Variants in BCAT1 observed in about 807,000 individuals in gnomAD.
The protein encoded by BCAT1 is branched-chain-amino-acid aminotransferase, cytosolic.
BCAT1 carries 48 observed loss-of-function variants against 52.4 expected under a neutral mutation model. The observed-to-expected ratio is 0.92, with a 90% CI of 0.73 to 1.16. The LOEUF is 1.16. BCAT1 is among the 50% of genes most tolerant of loss of function. BCAT1 has a pLI of 0.00. For synonymous variants in BCAT1, 167 were observed against 161.3 expected, an observed-to-expected ratio of 1.04 and a Z score of -0.27; for missense variants, 451 against 457.1, an observed-to-expected ratio of 0.99 and a Z score of 0.12.
chr12:24,832,796 C>A lies in BCAT1; in HGVS notation c.971G>T (p.Arg324Ile). The change falls in exon 9 of 11, where the codon AGA (arginine) becomes ATA (isoleucine). Residue 324 changes from arginine to isoleucine, a missense_variant. Transcript: ENST00000261192. ...DDLTTALEGNRVREMFGSGTA... is the reference protein window; with the variant it reads ...DDLTTALEGNIVREMFGSGTA... Reference sequence around the variant, plus strand: ...ACCAGAGCCAAACATCTCTCTCACTCTGTTCCCCTCCAGGGCTGTTGTCAA... The same window carrying A: ...ACCAGAGCCAAACATCTCTCTCACTATGTTCCCCTCCAGGGCTGTTGTCAA... 6.2e-7 allele frequency: 1 copy of A among 1,612,070 alleles called. No homozygotes were observed. The highest frequency in any genetic ancestry group is 8.5e-7 in the Non-Finnish European group (1 of 1,179,026).
chr12:24,896,943 T>C (rs1028968926), intron 2 of BCAT1, among the ~76,000 whole-genome samples: 1 of 152,200 alleles, frequency 6.6e-6, no homozygotes, highest in South Asian at 2.1e-4. Flanking sequence ...ACAGAAGATG[T>C]CCAGGATTTA....
chr12:24,871,333 G>A (rs1942179714), intron 5 of BCAT1, among the ~76,000 whole-genome samples: 1 of 152,180 alleles, frequency 6.6e-6, no homozygotes, highest in African/African-American at 2.4e-5. Context: ...TTAGGGAATT[G>A]GGATACAATG....
intron 1 of BCAT1, chr12:24,902,087 C>A: frequency 6.8e-7 from 1 of 1,480,560 alleles, no homozygotes; most frequent in Non-Finnish European, 8.9e-7. Context: ...ACTTCCCACC[C>A]TGCCGGGGTC....
chr12:24,851,511 C>T (rs927416055), intron 5 of BCAT1, among the ~76,000 whole-genome samples: 1 of 152,146 alleles, frequency 6.6e-6, no homozygotes, highest in African/African-American at 2.4e-5. Flanking sequence ...AGGCATGTCA[C>T]CTTAGGAAAT....
In BCAT1 at chr12:24,815,078, G is replaced by T. The variant is rs1275282528; in HGVS notation, c.*2930C>A. The stretch of plus-strand genomic sequence containing the variant: ...CGAGTTGAATCCTTAATAAATGACT[G>T]CCACAAAGAAAATTTCTAACAGCAA... On this transcript the variant is annotated 3_prime_UTR_variant, in exon 11 of 11. Transcript: ENST00000261192. 1 of 152,054 alleles carries T rather than the reference G, an allele frequency of 6.6e-6. No individual in the cohort carries two copies. Among genetic ancestry groups the T allele is most frequent in the Non-Finnish European group, 1.5e-5 (1 of 68,002 alleles). The allele number at this position is 152,054 out of a possible 1,614,324, so 9.4% of individuals were successfully genotyped here.
chr12:24,889,644 G>A (rs891767643), intron 3 of BCAT1, among the ~76,000 whole-genome samples: 3 of 152,176 alleles, frequency 2.0e-5, no homozygotes, highest in Non-Finnish European at 2.9e-5. Context: ...TCAGGGGCAG[G>A]AAGCAGAATC....
intron 7 of BCAT1, among the ~76,000 whole-genome samples, chr12:24,838,513 G>GTA (rs1393301590): frequency 8.9e-6 from 1 of 111,778 alleles, no homozygotes; most frequent in Non-Finnish European, 1.9e-5. Context: ...GTATATATAT[G>GTA]TACACACACA....
chr12:24,942,339 T>C (rs1943862084), intron 1 of BCAT1, among the ~76,000 whole-genome samples: 1 of 151,920 alleles, frequency 6.6e-6, no homozygotes, highest in Non-Finnish European at 1.5e-5. Flanking sequence ...TCAAGAGTTC[T>C]AGACCAGCCT....
chr12:24,892,309 C>A (rs1033022437), intron 3 of BCAT1, among the ~76,000 whole-genome samples: 4 of 152,092 alleles, frequency 2.6e-5, no homozygotes, highest in East Asian at 1.9e-4. Context: ...CCCCACCCAG[C>A]CTTCAAAGAG....
chr12:24,926,794 T>G (rs1943594873), intron 1 of BCAT1, among the ~76,000 whole-genome samples: 1 of 152,102 alleles, frequency 6.6e-6, no homozygotes, highest in Non-Finnish European at 1.5e-5. Context: ...CTCCCTAATC[T>G]CAAGTACCCA....
chr12:24,832,942 T>A, intron 8 of BCAT1, 79 bp from the exon 9 acceptor site: 3 of 1,379,748 alleles, frequency 2.2e-6, no homozygotes, highest in Middle Eastern at 1.8e-4. Context: ...ACTGTTCTGC[T>A]TAACATTCTG....
chr12:24,875,959 C>T (rs1768805667), intron 5 of BCAT1, among the ~76,000 whole-genome samples: 1 of 152,134 alleles, frequency 6.6e-6, no homozygotes, highest in Non-Finnish European at 1.5e-5. Flanking sequence ...ACCTACCAAA[C>T]ATCCATCGTA....
chr12:24,881,761 T>C (rs1942505452), intron 3 of BCAT1, among the ~76,000 whole-genome samples: 1 of 152,124 alleles, frequency 6.6e-6, no homozygotes, highest in South Asian at 2.1e-4. Flanking sequence ...GCAATGGAGA[T>C]CGAAACCAAA....
intron 2 of BCAT1, 70 bp from the exon 3 acceptor site, chr12:24,894,545 G>GA: frequency 7.8e-7 from 1 of 1,284,510 alleles, no homozygotes; most frequent in Non-Finnish European, 1.1e-6. Context: ...TATACAGAGG[G>GA]GAAAAAAAAA....
At chr12:24,903,219 A>T in intron 1 of BCAT1, 1 of 954,870 alleles carries the variant, frequency 1.0e-6, no homozygotes, top group Non-Finnish European at 1.4e-6. Context: ...CAGTCGCTAA[A>T]ACCGAAGCGG....
intron 5 of BCAT1, among the ~76,000 whole-genome samples, chr12:24,858,480 A>C (rs1184770200): frequency 6.6e-6 from 1 of 152,222 alleles, no homozygotes; most frequent in Non-Finnish European, 1.5e-5. Flanking sequence ...TCAATGCCAT[A>C]AACTGCTTCT....
At chr12:24,881,922 T>C (rs887242041) in intron 3 of BCAT1, among the ~76,000 whole-genome samples, 3 of 152,190 alleles carry the variant, frequency 2.0e-5, no homozygotes, top group Non-Finnish European at 2.9e-5. Flanking sequence ...GACCATACTA[T>C]GTTAAGCCAC....
intron 10 of BCAT1, among the ~76,000 whole-genome samples, chr12:24,824,231 T>TTTCCTTCCTTCCTTCCTTCCTTCC (rs560798912): frequency 9.9e-4 from 21 of 21,132 alleles, no homozygotes; most frequent in Admixed American, 4.1e-3. Context: ...TGAGTTTACA[T>TTTCCTTCCTTCCTTCCTTCCTTCC]TTCCTTCCTT....
At chr12:24,855,994 T>C (rs533254064) in intron 5 of BCAT1, among the ~76,000 whole-genome samples, 1 of 152,146 alleles carries the variant, frequency 6.6e-6, no homozygotes, top group African/African-American at 2.4e-5. Context: ...AATATTTGGA[T>C]TTACCTGTAA....
Sources: gnomAD v4.1 joint callset for allele counts (sites outside exome capture counted in the v4.1 genomes callset) on GRCh38, gnomAD v4.1.1 for gene constraint, MANE v1.5 for transcripts, NCBI Gene and HGNC (gene_info 2026-07-23, HGNC 2026-07-21) for gene names.